KCNIP4: variants seen among roughly 807,000 people sequenced by gnomAD.
KCNIP4 encodes potassium voltage-gated channel interacting protein 4, also known as Kv channel-interacting protein 4.
In KCNIP4, 12 loss-of-function variants were observed where a neutral mutation model predicts 34.0. The ratio of observed to expected loss-of-function variants is 0.35; its 90% CI spans 0.23 to 0.57. KCNIP4 has a LOEUF of 0.57. KCNIP4 is among the 20% of genes least tolerant of loss of function. KCNIP4 has a pLI of 0.83. For missense variants in KCNIP4, 238 were observed against 311.7 expected, an observed-to-expected ratio of 0.76 and a Z score of 1.78; for synonymous variants, 124 against 102.2, an observed-to-expected ratio of 1.21 and a Z score of -1.29.
chr4:21,491,528 C>T (rs1385964549), intron 1 of KCNIP4, among the ~76,000 whole-genome samples: 3 of 152,208 alleles, frequency 2.0e-5, no homozygotes, highest in Non-Finnish European at 4.4e-5. Context: ...GTGTGTGCTA[C>T]CATGCTGGGC....
intron 1 of KCNIP4, among the ~76,000 whole-genome samples, chr4:21,262,035 C>A (rs1761504268): frequency 6.6e-6 from 1 of 152,216 alleles, no homozygotes; most frequent in Non-Finnish European, 1.5e-5. Context: ...CCAGTCTTAT[C>A]TCATAATGTT....
At chr4:21,449,187 C>T (rs947689426) in intron 1 of KCNIP4, among the ~76,000 whole-genome samples, 1 of 152,198 alleles carries the variant, frequency 6.6e-6, no homozygotes, top group African/African-American at 2.4e-5. Flanking sequence ...CCCTTACACA[C>T]TAATGGAGCT....
intron 1 of KCNIP4, among the ~76,000 whole-genome samples, chr4:21,514,003 T>C (rs1035224156): frequency 3.9e-5 from 6 of 152,164 alleles, no homozygotes; most frequent in Non-Finnish European, 7.4e-5. Context: ...TTTCACAAAA[T>C]AGGTGTAGGT....
chr4:21,575,251 G>C (rs1337828744), intron 1 of KCNIP4, among the ~76,000 whole-genome samples: 4 of 152,100 alleles, frequency 2.6e-5, no homozygotes, highest in Non-Finnish European at 5.9e-5. Context: ...TACATCAGAG[G>C]CTAGACAGAA....
intron 3 of KCNIP4, among the ~76,000 whole-genome samples, chr4:20,849,229 G>A (rs768611862): frequency 3.9e-5 from 6 of 152,020 alleles, no homozygotes; most frequent in Non-Finnish European, 7.4e-5. Flanking sequence ...CTATTGCCAC[G>A]AAGTCCTAGG....
At chr4:20,818,883 GACAGGC>G (rs1471710152) in intron 3 of KCNIP4, among the ~76,000 whole-genome samples, 3 of 149,390 alleles carry the variant, frequency 2.0e-5, no homozygotes, top group African/African-American at 7.4e-5. Flanking sequence ...ATTTACATGT[GACAGGC>G]ACTATGCTAG....
At chr4:20,846,464 A>G (rs1016948169) in intron 3 of KCNIP4, among the ~76,000 whole-genome samples, 1 of 152,202 alleles carries the variant, frequency 6.6e-6, no homozygotes, top group African/African-American at 2.4e-5. Context: ...AAACATATAT[A>G]TTGATATTTG....
chr4:21,448,880 T>C (rs2109736099), intron 1 of KCNIP4, among the ~76,000 whole-genome samples: 1 of 152,290 alleles, frequency 6.6e-6, no homozygotes, highest in South Asian at 2.1e-4. Flanking sequence ...CCATCAAGTT[T>C]TTGAGAATAT....
rs371562916 is a variant in KCNIP4, at chr4:21,574,067, C to G, written c.61+374504G>C. ...CAACTCAGGCTGCAATACTAATGCACTTAGTGTCACAGTAGGAGAAAAATT... is the reference window on the plus strand; with the variant it reads ...CAACTCAGGCTGCAATACTAATGCAGTTAGTGTCACAGTAGGAGAAAAATT... On this transcript the variant is annotated intron_variant, in intron 1 of 8. Coordinates refer to ENST00000382152, the MANE Select transcript of KCNIP4 (RefSeq NM_025221.6). Among the ~76,000 whole-genome samples, 257 of 152,090 alleles carry G rather than the reference C, an allele frequency of 1.7e-3. 10 individuals are homozygous for G. The South Asian group carries it at 0.047, about 28-fold the overall frequency.
At chr4:21,582,310 A>G (rs1741297757) in intron 1 of KCNIP4, 1 of 151,920 alleles carries the variant, frequency 6.6e-6, no homozygotes, top group African/African-American at 2.4e-5. Flanking sequence ...TGGTCACTCA[A>G]TATTCAAGAC....
chr4:20,882,865 A>AC (rs933548109), intron 1 of KCNIP4, among the ~76,000 whole-genome samples, 156 bp from the exon 2 acceptor site: 8 of 151,718 alleles, frequency 5.3e-5, no homozygotes, highest in African/African-American at 1.9e-4. Flanking sequence ...AAAGGAAAAA[A>AC]AAAGTTTGTT....
intron 1 of KCNIP4, among the ~76,000 whole-genome samples, chr4:21,482,115 A>T (rs1324251128): frequency 7.2e-6 from 1 of 139,002 alleles, no homozygotes; most frequent in African/African-American, 2.8e-5. Flanking sequence ...CTGTTTTATC[A>T]GAGACTAGGA....
chr4:20,791,406 ATTAT>A (rs896800003), intron 3 of KCNIP4, among the ~76,000 whole-genome samples: 1 of 152,200 alleles, frequency 6.6e-6, no homozygotes, highest in Non-Finnish European at 1.5e-5. Context: ...ATTTGTCTTT[ATTAT>A]TTAAATATCC....
At chr4:21,906,381 C>T (rs560805788) in intron 1 of KCNIP4, among the ~76,000 whole-genome samples, 9 of 152,108 alleles carry the variant, frequency 5.9e-5, no homozygotes, top group Admixed American at 3.9e-4. Flanking sequence ...GAAAAGCGAA[C>T]GTGAAGATAG....
intron 1 of KCNIP4, among the ~76,000 whole-genome samples, chr4:21,546,590 G>T (rs972538298): frequency 1.3e-4 from 20 of 151,956 alleles, no homozygotes; most frequent in African/African-American, 4.4e-4. Context: ...TTCTTAAAAG[G>T]TATTTGCATT....
chr4:21,909,917 A>G (rs1465844131), intron 1 of KCNIP4, among the ~76,000 whole-genome samples: 3 of 152,110 alleles, frequency 2.0e-5, no homozygotes, highest in East Asian at 3.9e-4. Flanking sequence ...AACTGCCCCC[A>G]TGATTCAATT....
chr4:20,900,381 G>C (rs1002914894), intron 1 of KCNIP4, among the ~76,000 whole-genome samples: 2 of 152,138 alleles, frequency 1.3e-5, no homozygotes, highest in Non-Finnish European at 2.9e-5. Context: ...GATTACTAAG[G>C]CCACCCCATA....
At chr4:21,168,213 C>T (rs1221282812) in intron 1 of KCNIP4, among the ~76,000 whole-genome samples, 2 of 152,136 alleles carry the variant, frequency 1.3e-5, no homozygotes, top group Non-Finnish European at 2.9e-5. Context: ...TAATCGTTGC[C>T]TTTACCCCAG....
At chr4:21,126,007 T>C (rs1280468280) in intron 1 of KCNIP4, among the ~76,000 whole-genome samples, 1 of 152,058 alleles carries the variant, frequency 6.6e-6, no homozygotes, top group African/African-American at 2.4e-5. Flanking sequence ...ACAGTGCAGA[T>C]GTAAAGTATT....
Sources: gnomAD v4.1 joint callset for allele counts (sites outside exome capture counted in the v4.1 genomes callset) on GRCh38, gnomAD v4.1.1 for gene constraint, MANE v1.5 for transcripts, NCBI Gene and HGNC (gene_info 2026-07-23, HGNC 2026-07-21) for gene names.